The following PRDM15 variants were observed in gnomAD, a reference collection of about 807,000 sequenced individuals.
PRDM15 encodes PR/SET domain 15, also known as PR domain zinc finger protein 15.
PRDM15 carries 64 observed loss-of-function variants against 128.6 expected under a neutral mutation model. The ratio of observed to expected loss-of-function variants is 0.50; its 90% CI spans 0.41 to 0.61. The LOEUF (loss-of-function observed/expected upper bound fraction) is 0.61. Ranked by LOEUF, PRDM15 falls within the 20% of genes least tolerant of loss-of-function variation. The pLI is 0.00. For missense variants in PRDM15, 1,242 were observed against 1,569.1 expected (o/e 0.79, Z 3.52); for synonymous variants, 615 against 621.8 (o/e 0.99, Z 0.16).
chr21:41,806,650 CCAT>C (rs2061676702), intron 21 of PRDM15, among the ~76,000 whole-genome samples: 1 of 5,858 alleles, frequency 1.7e-4, no homozygotes, highest in African/African-American at 6.5e-4. Flanking sequence ...ATCACCACCA[CCAT>C]CACCACCACC....
At chr21:41,831,027 T>A (rs1375398595) in intron 11 of PRDM15, among the ~76,000 whole-genome samples, 1 of 152,196 alleles carries the variant, frequency 6.6e-6, no homozygotes, top group Non-Finnish European at 1.5e-5. Flanking sequence ...CCTCCCTGTG[T>A]CGCCAACGTG....
intron 11 of PRDM15, among the ~76,000 whole-genome samples, chr21:41,833,802 T>C (rs1475861702): frequency 6.6e-6 from 1 of 152,210 alleles, no homozygotes; most frequent in East Asian, 1.9e-4. Flanking sequence ...TACTTTGTTT[T>C]ATTTGGGTCC....
chr21:41,867,403 C>G (rs372712843), intron 1 of PRDM15: 22 of 1,553,572 alleles, frequency 1.4e-5, no homozygotes, highest in Middle Eastern at 3.5e-4. Context: ...GGAAAGCAAG[C>G]TGAGGCTCTA....
chr21:41,862,120 G>T lies in PRDM15; in HGVS notation c.-9-1748C>A, dbSNP rs951829643. On this transcript the variant is annotated intron_variant, in intron 1 of 23. Coordinates refer to ENST00000398548, the MANE Select transcript of PRDM15 (RefSeq NM_001040424.3). This position sits in a 1 kb window ranked among gnomAD's most constrained non-coding sequence, Gnocchi z 4.1. The stretch of plus-strand genomic sequence containing the variant: ...GCAGAAGAAACCCAGAGTGGGGTGG[G>T]GAGGGCGCACGCTTTCATGAGTTGC... 3.9e-6 allele frequency: 3 copies of T among 764,082 alleles called. No individual in the cohort carries two copies. The highest frequency in any genetic ancestry group is 2.3e-6 in the Non-Finnish European group (1 of 441,936). 47.3% of individuals were successfully genotyped at this position (764,082 alleles called of 1,614,324 possible).
chr21:41,858,658 G>T lies in PRDM15; in HGVS notation c.131+934C>A, dbSNP rs560285869. Among the ~76,000 whole-genome samples the T allele has an allele frequency of 1.8e-3, 280 of 152,336 alleles. 2 individuals carry two copies. The highest frequency in any genetic ancestry group is 6.5e-3 in the African/African-American group (270 of 41,574). On this transcript the variant is annotated intron_variant, in intron 3 of 23. Transcript: ENST00000398548. ...GGCCCCTCAGGGCGGGCAGGAGGCC[G>T]CTGAGACAAGGAGCCAGCACGGAGG...
At chr21:41,831,431 G>T (rs79901159) in intron 11 of PRDM15, among the ~76,000 whole-genome samples, 1 of 152,176 alleles carries the variant, frequency 6.6e-6, no homozygotes, top group Non-Finnish European at 1.5e-5. Context: ...TGGGGCAAAC[G>T]CCCTCCACTC....
At chr21:41,840,475 A>T (rs1009661091) in intron 6 of PRDM15, among the ~76,000 whole-genome samples, 1 of 151,348 alleles carries the variant, frequency 6.6e-6, no homozygotes, top group Admixed American at 6.6e-5. Context: ...ATTGCACCCT[A>T]GACCTGTGAA....
intron 1 of PRDM15, chr21:41,871,655 T>G (rs778111720): frequency 2.5e-5 from 39 of 1,584,948 alleles, no homozygotes; most frequent in Admixed American, 1.7e-4. Context: ...AAAGTAGACA[T>G]GAGAAGCCCA....
chr21:41,850,198 C>T (rs1017702500), intron 5 of PRDM15, among the ~76,000 whole-genome samples: 6 of 152,126 alleles, frequency 3.9e-5, no homozygotes, highest in Admixed American at 2.0e-4. Context: ...ATTCTTCAAG[C>T]AGCGGATTCT....
At chr21:41,846,265 A>G (rs2063261901) in intron 6 of PRDM15, among the ~76,000 whole-genome samples, 1 of 152,224 alleles carries the variant, frequency 6.6e-6, no homozygotes, top group Admixed American at 6.5e-5. Context: ...GTCTTTCTTC[A>G]CTACAGATTA....
At chr21:41,803,996 G>A (rs530482405) in intron 22 of PRDM15, among the ~76,000 whole-genome samples, 3 of 133,178 alleles carry the variant, frequency 2.3e-5, no homozygotes, top group East Asian at 2.1e-4. Flanking sequence ...ACACAGTCTC[G>A]CTCTGTTGCC....
At position 41,862,576 on chromosome 21, in the gene PRDM15, C is replaced by T. The variant is rs947537849; in HGVS notation, c.-9-2204G>A. 1.1e-4 allele frequency among the ~76,000 whole-genome samples: 16 copies of T among 152,270 alleles called. No individual in the cohort carries two copies. Among genetic ancestry groups the T allele is most frequent in the African/African-American group, 3.6e-4 (15 of 41,552 alleles). ...TGCACTCTGATTCTATGTAAATGTCCGAGTCCTGGCAATAAGGGTCCCGAT... is the reference window on the plus strand; with the variant it reads ...TGCACTCTGATTCTATGTAAATGTCTGAGTCCTGGCAATAAGGGTCCCGAT... On this transcript the variant is annotated intron_variant, in intron 1 of 23. Transcript: ENST00000398548. This position sits in a 1 kb window ranked among gnomAD's most constrained non-coding sequence, Gnocchi z 4.1.
chr21:41,819,167 C>A (rs893834718), intron 18 of PRDM15, among the ~76,000 whole-genome samples: 1 of 152,260 alleles, frequency 6.6e-6, no homozygotes, highest in Non-Finnish European at 1.5e-5. Flanking sequence ...TGCCTCGAGT[C>A]CTTCTTTCCT....
In PRDM15 at chr21:41,823,438, G is replaced by A; in HGVS notation, c.1641C>T (p.Cys547=). Residue 547 remains cysteine (C), a synonymous_variant, in exon 14 of 24, where the codon TGC becomes TGT. Transcript: ENST00000398548. The part of the protein sequence containing the change: ...GCPVCGKVFS[C]RSNMNKHLLT... ...GCAGGTGCTTGTTCATATTGCTCCG[G>A]CAGGAGAACACCTGTGGCAGAGGAG... 6.4e-7 allele frequency: 1 copy of A among 1,552,304 alleles called. No individual in the cohort carries two copies. The highest frequency in any genetic ancestry group is 8.7e-7 in the Non-Finnish European group (1 of 1,148,068).
intron 18 of PRDM15, among the ~76,000 whole-genome samples, chr21:41,817,903 ATAAT>A (rs1346572724): frequency 2.6e-5 from 4 of 152,254 alleles, no homozygotes; most frequent in Non-Finnish European, 2.9e-5. Flanking sequence ...ATGCAACTAA[ATAAT>A]TAATACATTT....
intron 19 of PRDM15, among the ~76,000 whole-genome samples, chr21:41,815,419 G>C (rs939486926): frequency 1.3e-5 from 2 of 152,202 alleles, no homozygotes; most frequent in African/African-American, 2.4e-5. Flanking sequence ...ACATTCCTGA[G>C]GGGGAAACAG....
chr21:41,817,478 A>G (rs1407827106), intron 18 of PRDM15, among the ~76,000 whole-genome samples: 1 of 152,136 alleles, frequency 6.6e-6, no homozygotes, highest in African/African-American at 2.4e-5. Context: ...GGTCCCTGAC[A>G]CTGACTAATT....
intron 11 of PRDM15, among the ~76,000 whole-genome samples, chr21:41,830,111 C>T (rs1316040869): frequency 6.6e-6 from 1 of 151,484 alleles, no homozygotes; most frequent in African/African-American, 2.4e-5. Flanking sequence ...AAACTCAACA[C>T]ACACCACACA....
rs1258126606 is a variant in PRDM15 at position 41,826,066 on chromosome 21, A to C, written c.1535-12T>G. ...CACTCGCCGCACTCCTGAAATTGCCAACCCCACCAGCAAGACAGTGAATAC... is the reference window on the plus strand; with the variant it reads ...CACTCGCCGCACTCCTGAAATTGCCCACCCCACCAGCAAGACAGTGAATAC... On this transcript the variant is annotated splice_polypyrimidine_tract_variant and intron_variant, in intron 12 of 23. Coordinates refer to ENST00000398548, the MANE Select transcript of PRDM15 (RefSeq NM_001040424.3). 6.2e-7 allele frequency: 1 copy of C among 1,609,608 alleles called. No homozygotes were observed. Among genetic ancestry groups the C allele is most frequent in the Non-Finnish European group, 8.5e-7 (1 of 1,175,918 alleles).
Sources: allele counts gnomAD v4.1 joint callset (sites outside exome capture counted in the v4.1 genomes callset), GRCh38; gene constraint gnomAD v4.1.1; non-coding constraint Gnocchi (gnomAD v3.1); transcripts MANE v1.5; gene names NCBI Gene and HGNC (gene_info 2026-07-23, HGNC 2026-07-21).